The following PDZD2 variants were observed in gnomAD, a reference collection of about 807,000 sequenced individuals.
PDZD2 encodes the protein PDZ domain containing 2.
In PDZD2, 90 loss-of-function variants were observed where a neutral mutation model predicts 220.7. The observed-to-expected ratio is 0.41, with a 90% CI of 0.34 to 0.49. The LOEUF (loss-of-function observed/expected upper bound fraction) is 0.49. Among genes scored for constraint, PDZD2 ranks in the 20% least tolerant of loss-of-function variants. The probability of loss-of-function intolerance (pLI) is 0.28; values close to 1 mark genes in which losing one functional copy is unlikely to be tolerated. For missense variants in PDZD2, 3,174 were observed against 3,608.5 expected (o/e 0.88, Z 3.08); for synonymous variants, 1,375 against 1,450.5 (o/e 0.95, Z 1.18).
chr5:31,712,451 C>CCTCT lies in PDZD2; in HGVS notation c.-361+73042_-361+73045dup, dbSNP rs72212182. Among the ~76,000 whole-genome samples, 260 of 131,440 alleles carry CCTCT rather than the reference C, an allele frequency of 2.0e-3. 2 individuals carry two copies. The highest frequency in any genetic ancestry group is 5.6e-3 in the Admixed American group (67 of 11,950). The allele number at this position is 131,440 out of a possible 152,430, so 86.2% of individuals were successfully genotyped here. A position where few individuals can be genotyped will look rare whatever the true frequency, so the allele number is the denominator to read the frequency against. ...TGGGGCACTGGGATGGCTGGGCCTG[C>CCTCT]CTCTCTCTCTCTCTCTCTCTCTCTC... On this transcript the variant is annotated intron_variant, in intron 1 of 24. Transcript: ENST00000438447.
At position 32,000,969 on chromosome 5, in the gene PDZD2, T is replaced by A. The variant is rs1037791229; in HGVS notation, c.1254+698T>A. Among the ~76,000 whole-genome samples, 11 of 152,192 alleles carry A rather than the reference T, an allele frequency of 7.2e-5. No individual in the cohort carries two copies. The highest frequency in any genetic ancestry group is 2.7e-4 in the African/African-American group (11 of 41,456). On this transcript the variant is annotated intron_variant, in intron 5 of 24. Coordinates refer to ENST00000438447, the MANE Select transcript of PDZD2 (RefSeq NM_178140.4). This position sits in a 1 kb window ranked among gnomAD's most constrained non-coding sequence, Gnocchi z 4.5. Reference sequence around the variant, plus strand: ...CCTGAGAGCTCCGCCTCCTGTCAGATCAGCGGCGGCACTGGACTCTCATAG... The same window carrying A: ...CCTGAGAGCTCCGCCTCCTGTCAGAACAGCGGCGGCACTGGACTCTCATAG...
chr5:31,928,800 A>G (rs2150388800), intron 2 of PDZD2, among the ~76,000 whole-genome samples: 1 of 152,304 alleles, frequency 6.6e-6, no homozygotes, highest in East Asian at 1.9e-4. Flanking sequence ...AAGAAAATTC[A>G]GAAGCACAGG....
Position 31,696,469 on chromosome 5 carries a change from G to GT in PDZD2, c.-361+57040dup, listed in dbSNP as rs11358736. On this transcript the variant is annotated intron_variant, in intron 1 of 24. Coordinates refer to ENST00000438447, the MANE Select transcript of PDZD2 (RefSeq NM_178140.4). ...CACCACCACACTCAGCTAATGGTTT[G>GT]TTTTTTTTGTAGAGATGGGGGTAGA... 1.9e-4 allele frequency among the ~76,000 whole-genome samples: 29 copies of GT among 151,756 alleles called. No homozygotes were observed. The East Asian group carries it at 2.6e-3, about 13-fold the overall frequency.
intron 2 of PDZD2, among the ~76,000 whole-genome samples, chr5:31,878,213 A>G (rs1261943531): frequency 2.0e-5 from 3 of 152,154 alleles, no homozygotes; most frequent in Admixed American, 2.0e-4. Flanking sequence ...TGTGTGACAG[A>G]TAGCAGAGCA....
chr5:32,038,126 G>A (rs1411618125), intron 7 of PDZD2, among the ~76,000 whole-genome samples: 1 of 145,934 alleles, frequency 6.9e-6, no homozygotes, highest in African/African-American at 2.5e-5. Context: ...ATAGGCGTGA[G>A]CCACCGTGCC....
chr5:31,799,569 A>G lies in PDZD2; in HGVS notation c.321A>G (p.Lys107=). 6.2e-7 allele frequency: 1 copy of G among 1,614,126 alleles called. No individual in the cohort carries two copies. Among genetic ancestry groups the G allele is most frequent in the African/African-American group, 1.3e-5 (1 of 75,028 alleles). ...GEKRRGGKKR[K]THQGPVLDVG... ...AGCGCAGGGGGGGCAAGAAGAGGAA[A>G]ACCCACCAGGGTCCTGTGCTGGATG... Residue 107 remains lysine, a synonymous_variant, in exon 2 of 25, where the codon AAA becomes AAG. Coordinates refer to ENST00000438447, the MANE Select transcript of PDZD2 (RefSeq NM_178140.4).
intron 1 of PDZD2, among the ~76,000 whole-genome samples, chr5:31,650,249 T>C (rs1203555939): frequency 2.0e-5 from 3 of 152,182 alleles, no homozygotes; most frequent in African/African-American, 7.2e-5. Flanking sequence ...TCAGGCACTG[T>C]TCCCAGTTAT....
chr5:31,960,623 C>T (rs1748132153), intron 2 of PDZD2, among the ~76,000 whole-genome samples: 1 of 152,114 alleles, frequency 6.6e-6, no homozygotes, highest in Non-Finnish European at 1.5e-5. Flanking sequence ...CTCCTCCCAG[C>T]TTAGCTAACT....
chr5:31,650,663 A>G (rs1047543339), intron 1 of PDZD2, among the ~76,000 whole-genome samples: 6 of 152,152 alleles, frequency 3.9e-5, no homozygotes, highest in Non-Finnish European at 7.3e-5. Flanking sequence ...CTTTCTTGCA[A>G]CTTGATGGTT....
In PDZD2 at chr5:31,728,927, T is replaced by C. The variant is rs952355343; in HGVS notation, c.-360-69962T>C. Among the ~76,000 whole-genome samples, 6 of 152,234 alleles carry C rather than the reference T, an allele frequency of 3.9e-5. No individual in the cohort carries two copies. The South Asian group carries it at 1.2e-3, about 32-fold the overall frequency. On this transcript the variant is annotated intron_variant, in intron 1 of 24. Transcript: ENST00000438447. ...CGGAGTGCAGTGGCACAATCACAAC[T>C]CACTGCAACCTGTGCCTCCTGGGTT...
At chr5:31,765,382 A>G (rs1273002592) in intron 1 of PDZD2, among the ~76,000 whole-genome samples, 1 of 152,180 alleles carries the variant, frequency 6.6e-6, no homozygotes, top group Non-Finnish European at 1.5e-5. Context: ...TTGAAGCCCA[A>G]AAGCTACCAT....
chr5:31,954,701 G>T (rs1747500344), intron 2 of PDZD2, among the ~76,000 whole-genome samples: 1 of 152,132 alleles, frequency 6.6e-6, no homozygotes, highest in East Asian at 1.9e-4. Flanking sequence ...GACCGAGGCA[G>T]GCGGATCACG....
At chr5:32,019,918 C>T (rs552000361) in intron 6 of PDZD2, among the ~76,000 whole-genome samples, 1 of 152,192 alleles carries the variant, frequency 6.6e-6, no homozygotes, top group East Asian at 1.9e-4. Flanking sequence ...GAAGGCTTCT[C>T]ACCCCTGTTC....
At chr5:31,834,572 T>C (rs1194344996) in intron 2 of PDZD2, among the ~76,000 whole-genome samples, 1 of 152,160 alleles carries the variant, frequency 6.6e-6, no homozygotes, top group African/African-American at 2.4e-5. Context: ...CCAGCAAATT[T>C]TGTTTGGTGC....
At chr5:31,741,889 C>T (rs936127253) in intron 1 of PDZD2, 1 of 152,166 alleles carries the variant, frequency 6.6e-6, no homozygotes, top group African/African-American at 2.4e-5. Context: ...GAAATCTTAA[C>T]CCAGGACCCT....
At chr5:31,726,853 G>C (rs194181) in intron 1 of PDZD2, among the ~76,000 whole-genome samples, 33,429 of 152,042 alleles carry the variant, frequency 0.22, 4,027 homozygotes, top group East Asian at 0.39. Flanking sequence ...CTAAGACCGG[G>C]TAAATTATAA....
rs183298539 is a variant in PDZD2, at chr5:31,831,754, A to C, written c.476+32030A>C. Among the ~76,000 whole-genome samples, 149 of 151,358 alleles carry C rather than the reference A, an allele frequency of 9.8e-4. 3 individuals are homozygous for C. The East Asian group carries it at 0.025, about 25-fold the overall frequency. On this transcript the variant is annotated intron_variant, in intron 2 of 24. Transcript: ENST00000438447. ...AGAGCAAGACTCCATCTCAGAAAAA[A>C]AAAAAAAAAATTAGCTGGGCGTGGT... is the stretch of plus-strand genomic sequence containing the variant.
At chr5:32,039,387 G>A (rs546882260) in intron 7 of PDZD2, among the ~76,000 whole-genome samples, 15 of 151,924 alleles carry the variant, frequency 9.9e-5, no homozygotes, top group Middle Eastern at 3.4e-3. Flanking sequence ...GATTGCAGAC[G>A]GAGTCTCGCT....
In PDZD2 at chr5:32,077,449, G is replaced by C. The variant is rs367578454; in HGVS notation, c.3538-13G>C. On this transcript the variant is annotated splice_polypyrimidine_tract_variant and intron_variant, in intron 18 of 24. Coordinates refer to ENST00000438447, the MANE Select transcript of PDZD2 (RefSeq NM_178140.4). ...AAGTTATTTCAAGTGGCTTGTGGTT[G>C]TCATTGTGCCAGGAATCTCTGGGAA... The C allele has an allele frequency of 6.2e-7, 1 of 1,612,874 alleles. No homozygotes were observed. The highest frequency in any genetic ancestry group is 1.3e-5 in the African/African-American group (1 of 74,886).
Sources: allele counts gnomAD v4.1 joint callset (sites outside exome capture counted in the v4.1 genomes callset), GRCh38; gene constraint gnomAD v4.1.1; non-coding constraint Gnocchi (gnomAD v3.1); transcripts MANE v1.5; gene names NCBI Gene and HGNC (gene_info 2026-07-23, HGNC 2026-07-21).